Variants in GRM4 observed in about 807,000 individuals in gnomAD.
GRM4 encodes the protein metabotropic glutamate receptor 4.
Under a neutral mutation model 81.7 loss-of-function variants are expected in GRM4, and 28 were observed. That is an observed-to-expected ratio of 0.34 (90% CI 0.25 to 0.47). The LOEUF is 0.47. Ranked by LOEUF, GRM4 falls within the 20% of genes least tolerant of loss-of-function variation. The pLI, the probability that GRM4 is intolerant of heterozygous loss-of-function variation, is 1.00. For synonymous variants in GRM4, 488 were observed against 528.8 expected, an observed-to-expected ratio of 0.92 and a Z score of 1.06; for missense variants, 948 against 1,290.0, an observed-to-expected ratio of 0.73 and a Z score of 4.06.
intron 2 of GRM4, among the ~76,000 whole-genome samples, chr6:34,107,598 A>G (rs1015097058): frequency 1.3e-5 from 2 of 152,186 alleles, no homozygotes; most frequent in African/African-American, 4.8e-5. Flanking sequence ...TTACGCTGAC[A>G]CCTGGAAGAG....
Position 34,143,595 on chromosome 6 carries a change from G to C in GRM4, c.-364+2405C>G, listed in dbSNP as rs186108500. 7.6e-3 allele frequency among the ~76,000 whole-genome samples: 1,162 copies of C among 152,340 alleles called. 12 individuals carry two copies. The highest frequency in any genetic ancestry group is 0.048 in the Middle Eastern group (14 of 294). On this transcript the variant is annotated intron_variant, in intron 1 of 10. Transcript: ENST00000538487. ...CCTACCCTAGGCCGGAAGGCCCTGA[G>C]GCCCTTCTGGGCTCTGAGGAGCTGA...
chr6:34,145,361 C>A lies in GRM4; in HGVS notation c.-364+639G>T, dbSNP rs530788414. Among the ~76,000 whole-genome samples, 19 of 152,202 alleles carry A rather than the reference C, an allele frequency of 1.2e-4. No individual in the cohort carries two copies. In the East Asian group the frequency reaches 3.5e-3, roughly 28 times the overall value. On this transcript the variant is annotated intron_variant, in intron 1 of 10. Transcript: ENST00000538487. ...GCAAGCGAGCAAGCGAGAGGGAGAT[C>A]GGCGGCAACCCCTGCTCCTGCTGCG...
intron 2 of GRM4, among the ~76,000 whole-genome samples, chr6:34,117,152 A>G (rs1769633022): frequency 6.6e-6 from 1 of 152,230 alleles, no homozygotes; most frequent in Admixed American, 6.5e-5. Context: ...TATAAGTTGT[A>G]CCTCCATTTT....
intron 5 of GRM4, 51 bp downstream of exon 5, chr6:34,058,923 A>T: frequency 6.8e-7 from 1 of 1,461,232 alleles, no homozygotes; most frequent in Non-Finnish European, 9.5e-7. Flanking sequence ...GAGGGATGGC[A>T]GGAGGAGCAG....
At chr6:34,031,813 C>T (rs3798528) in intron 9 of GRM4, among the ~76,000 whole-genome samples, 49,749 of 152,112 alleles carry the variant, frequency 0.33, 8,666 homozygotes, top group Admixed American at 0.38. Flanking sequence ...CCTGGGGGAA[C>T]GGGTGCAGCT....
chr6:34,083,308 G>T (rs1333929958), intron 3 of GRM4, among the ~76,000 whole-genome samples: 1 of 152,206 alleles, frequency 6.6e-6, no homozygotes, highest in East Asian at 1.9e-4. Flanking sequence ...AATGGCAGAG[G>T]AATCCAAGCC....
chr6:34,104,014 G>A (rs1768992197), intron 2 of GRM4, among the ~76,000 whole-genome samples: 1 of 152,226 alleles, frequency 6.6e-6, no homozygotes, highest in African/African-American at 2.4e-5. Context: ...CCCCGAGGTA[G>A]GAAGCCAGAG....
chr6:34,045,646 C>A (rs902562704), intron 6 of GRM4, among the ~76,000 whole-genome samples: 2 of 152,180 alleles, frequency 1.3e-5, no homozygotes, highest in Non-Finnish European at 2.9e-5. Flanking sequence ...TCTGGCCAGG[C>A]CCAACCAGGG....
chr6:34,152,310 C>T lies in GRM4; in HGVS notation c.312+2769G>A, dbSNP rs755632220. 2.4e-4 allele frequency among the ~76,000 whole-genome samples: 37 copies of T among 152,198 alleles called. No homozygotes were observed. The highest frequency in any genetic ancestry group is 8.0e-4 in the African/African-American group (33 of 41,438). On this transcript the variant is annotated intron_variant, in intron 1 of 8. Transcript: ENST00000374177. The surrounding 1 kb of genome is among the most constrained non-coding windows in gnomAD (Gnocchi z 4.1). ...AGGCCACCTCCAAGCCTGGCTGCTG[C>T]GGTATCTCCAGCACGGACACCAGGC...
At position 34,035,657 on chromosome 6, in the gene GRM4, C is replaced by A; in HGVS notation, c.2442+11G>T. On this transcript the variant is annotated intron_variant, in intron 9 of 10. Coordinates refer to ENST00000538487, the MANE Select transcript of GRM4 (RefSeq NM_000841.4). This position sits in a 1 kb window ranked among gnomAD's most constrained non-coding sequence, Gnocchi z 6.6. Reference sequence around the variant, plus strand: ...CCTACCCACCGTCCACCCCCGGCCCCCACCACTCACCTTGTCGGCCGACTG... The same window carrying A: ...CCTACCCACCGTCCACCCCCGGCCCACACCACTCACCTTGTCGGCCGACTG... The A allele has an allele frequency of 6.5e-7, 1 of 1,542,494 alleles. No homozygotes were observed. The highest frequency in any genetic ancestry group is 1.2e-5 in the South Asian group (1 of 82,424).
intron 1 of GRM4, among the ~76,000 whole-genome samples, chr6:34,141,658 C>T (rs1770695203): frequency 6.6e-6 from 1 of 150,400 alleles, no homozygotes; most frequent in South Asian, 2.1e-4. Context: ...CAGACTGGAA[C>T]AGTCTCTCGG....
intron 3 of GRM4, chr6:34,063,509 C>A (rs931782938): frequency 6.6e-5 from 10 of 152,538 alleles, no homozygotes; most frequent in African/African-American, 2.4e-4. Context: ...TGGCCTGGGG[C>A]CACAGGACAC....
Position 34,069,974 on chromosome 6 carries a change from C to T in GRM4, c.737-7946G>A, listed in dbSNP as rs79697957. Among the ~76,000 whole-genome samples the T allele has an allele frequency of 0.048, 7,278 of 152,230 alleles. 261 individuals are homozygous for T. The highest frequency in any genetic ancestry group is 0.17 in the East Asian group (859 of 5,160). ...GGCCTTACAGAGCCCAGGACACGTG[C>T]GGGGCCTGCCCAGGACGGCGGTAAT... On this transcript the variant is annotated intron_variant, in intron 3 of 10. Transcript: ENST00000538487. This position sits in a 1 kb window ranked among gnomAD's most constrained non-coding sequence, Gnocchi z 6.4.
rs1185981840 is a variant in GRM4, at chr6:34,121,528, TCC to T, written c.519+11448_519+11449del. 1.3e-5 allele frequency among the ~76,000 whole-genome samples: 2 copies of T among 152,082 alleles called. No individual in the cohort carries two copies. The highest frequency in any genetic ancestry group is 6.5e-5 in the Admixed American group (1 of 15,280). On this transcript the variant is annotated intron_variant, in intron 2 of 10. Transcript: ENST00000538487. This position sits in a 1 kb window ranked among gnomAD's most constrained non-coding sequence, Gnocchi z 4.6. ...GGGCCCCGCTCTACCCAGCCAGAGC[TCC>T]CCCTCCAGGAGATTTCAACTCTGAT... is the stretch of plus-strand genomic sequence containing the variant.
At position 34,078,692 on chromosome 6, in the gene GRM4, C is replaced by G. The variant is rs1767440521; in HGVS notation, c.736+13191G>C. Among the ~76,000 whole-genome samples, 1 of 152,096 alleles carries G rather than the reference C, an allele frequency of 6.6e-6. No individual in the cohort carries two copies. The highest frequency in any genetic ancestry group is 1.5e-5 in the Non-Finnish European group (1 of 68,006). On this transcript the variant is annotated intron_variant, in intron 3 of 10. Transcript: ENST00000538487. The surrounding 1 kb of genome is among the most constrained non-coding windows in gnomAD (Gnocchi z 4.8). The stretch of plus-strand genomic sequence containing the variant: ...TCCGCAGCCCCTACTGCGTGGCCCT[C>G]TGTTCACTCTCCGCCCTCCCTCCCT...
At chr6:34,023,021 A>T (rs1459778448) in intron 10 of GRM4, 151 bp from the exon 11 acceptor site, 20 of 684,794 alleles carry the variant, frequency 2.9e-5, no homozygotes, top group Admixed American at 2.1e-5. Flanking sequence ...ACACTGCCCC[A>T]AACTGCACCG....
Position 34,056,525 on chromosome 6 carries a change from G to C in GRM4, c.1168+19C>G, listed in dbSNP as rs780261629. ...CTCCTCCTAGAGCCCGCCCGGCCCT[G>C]CCCGGCCCGCGTGCTCACTGGTGCA... On this transcript the variant is annotated intron_variant, in intron 6 of 10. Coordinates refer to ENST00000538487, the MANE Select transcript of GRM4 (RefSeq NM_000841.4). The C allele has an allele frequency of 7.5e-6, 12 of 1,607,354 alleles. No homozygotes were observed. The Admixed American group carries it at 2.0e-4, about 27-fold the overall frequency.
rs1287990193 is a variant in GRM4 at position 34,092,633 on chromosome 6, C to A, written c.520-534G>T. Among the ~76,000 whole-genome samples, 1 of 152,156 alleles carries A rather than the reference C, an allele frequency of 6.6e-6. No homozygotes were observed. Among genetic ancestry groups the A allele is most frequent in the Non-Finnish European group, 1.5e-5 (1 of 68,018 alleles). Reference sequence around the variant, plus strand: ...GATTCCAGCTCCCCTGTCCCCCACTCCAACCCCAAGGATGGAAGCCCAGGA... The same window carrying A: ...GATTCCAGCTCCCCTGTCCCCCACTACAACCCCAAGGATGGAAGCCCAGGA... On this transcript the variant is annotated intron_variant, in intron 2 of 10. Coordinates refer to ENST00000538487, the MANE Select transcript of GRM4 (RefSeq NM_000841.4). The surrounding 1 kb of genome is among the most constrained non-coding windows in gnomAD (Gnocchi z 6.8).
rs996935881 is a variant in GRM4, at chr6:34,069,099, G to A, written c.737-7071C>T. 2.0e-5 allele frequency among the ~76,000 whole-genome samples: 3 copies of A among 151,674 alleles called. No homozygotes were observed. Among genetic ancestry groups the A allele is most frequent in the Non-Finnish European group, 4.4e-5 (3 of 67,950 alleles). Reference sequence around the variant, plus strand: ...CAGGGGCAGGAGAGCAGGTCCCCCCGGCTCCCATAGGGGAGGACAGAGGGG... The same window carrying A: ...CAGGGGCAGGAGAGCAGGTCCCCCCAGCTCCCATAGGGGAGGACAGAGGGG... On this transcript the variant is annotated intron_variant, in intron 3 of 10. Transcript: ENST00000538487. The surrounding 1 kb of genome is among the most constrained non-coding windows in gnomAD (Gnocchi z 6.4).
Sources: allele counts gnomAD v4.1 joint callset (sites outside exome capture counted in the v4.1 genomes callset), GRCh38; gene constraint gnomAD v4.1.1; non-coding constraint Gnocchi (gnomAD v3.1); transcripts MANE v1.5; gene names NCBI Gene and HGNC (gene_info 2026-07-23, HGNC 2026-07-21).